KCNK10: variants seen among roughly 807,000 people sequenced by gnomAD.
KCNK10 encodes potassium two pore domain channel subfamily K member 10, also known as potassium channel subfamily K member 10.
In KCNK10, 25 loss-of-function variants were observed where a neutral mutation model predicts 47.7. The observed-to-expected ratio is 0.52, with a 90% CI of 0.38 to 0.73. The LOEUF is 0.73. KCNK10 is among the 30% of genes least tolerant of loss of function. The pLI is 0.00. For missense variants in KCNK10, 563 were observed against 714.5 expected (o/e 0.79, Z 2.42); for synonymous variants, 303 against 285.6 (o/e 1.06, Z -0.61).
Position 88,260,489 on chromosome 14 carries a change from T to C in KCNK10, c.402+2713A>G, listed in dbSNP as rs1887080298. On this transcript the variant is annotated intron_variant, in intron 2 of 6. Coordinates refer to ENST00000319231, the MANE Select transcript of KCNK10 (RefSeq NM_138317.3). The surrounding 1 kb of genome is among the most constrained non-coding windows in gnomAD (Gnocchi z 4.5). ...GAATGGACTAATACAGCATTCAACATAAAGCACAAGTTTAAAAGAGACTGG... is the reference window on the plus strand; with the variant it reads ...GAATGGACTAATACAGCATTCAACACAAAGCACAAGTTTAAAAGAGACTGG... Among the ~76,000 whole-genome samples, 1 of 152,298 alleles carries C rather than the reference T, an allele frequency of 6.6e-6. No individual in the cohort carries two copies. Among genetic ancestry groups the C allele is most frequent in the South Asian group, 2.1e-4 (1 of 4,828 alleles).
At chr14:88,275,595 T>A (rs1471431402) in intron 1 of KCNK10, among the ~76,000 whole-genome samples, 1 of 147,256 alleles carries the variant, frequency 6.8e-6, no homozygotes, top group East Asian at 2.0e-4. Flanking sequence ...ATGCTTGTCA[T>A]CCCAGCACTT....
At chr14:88,295,798 C>T (rs1162298046) in intron 1 of KCNK10, among the ~76,000 whole-genome samples, 1 of 152,188 alleles carries the variant, frequency 6.6e-6, no homozygotes, top group Non-Finnish European at 1.5e-5. Context: ...TGTTCATTAG[C>T]TCCCAACTAT....
intron 1 of KCNK10, among the ~76,000 whole-genome samples, chr14:88,276,961 T>C (rs544352282): frequency 6.6e-6 from 1 of 152,378 alleles, no homozygotes; most frequent in South Asian, 2.1e-4. Context: ...AAAAGGATTT[T>C]CCATCGAAAG....
At chr14:88,254,720 C>T (rs112968007) in intron 2 of KCNK10, among the ~76,000 whole-genome samples, 2,359 of 152,222 alleles carry the variant, frequency 0.015, 57 homozygotes, top group African/African-American at 0.054. Flanking sequence ...CATGTGAGGA[C>T]GTCAAAGATA....
upstream of KCNK10, chr14:88,323,756 G>T (rs1262722812): frequency 1.3e-5 from 2 of 152,212 alleles, no homozygotes; most frequent in Non-Finnish European, 2.9e-5. Context: ...GGCGGAGGAA[G>T]GGCCGCTGCG....
intron 1 of KCNK10, among the ~76,000 whole-genome samples, chr14:88,289,915 G>A (rs560605542): frequency 6.6e-6 from 1 of 152,294 alleles, no homozygotes; most frequent in South Asian, 2.1e-4. Flanking sequence ...CATCGTGCTT[G>A]TGTATCTATT....
chr14:88,268,780 G>A (rs1887335898), intron 1 of KCNK10, among the ~76,000 whole-genome samples: 1 of 152,220 alleles, frequency 6.6e-6, no homozygotes, highest in Admixed American at 6.5e-5. Context: ...GTACTGGGCA[G>A]CAAAAGTGCT....
At chr14:88,317,265 G>A (rs571623161) in intron 1 of KCNK10, among the ~76,000 whole-genome samples, 1 of 152,306 alleles carries the variant, frequency 6.6e-6, no homozygotes, top group East Asian at 1.9e-4. Context: ...CTCCGCAAAT[G>A]TGTGTTTGGA....
chr14:88,295,417 T>G (rs1245709901), intron 1 of KCNK10, among the ~76,000 whole-genome samples: 7 of 152,218 alleles, frequency 4.6e-5, no homozygotes, highest in Non-Finnish European at 1.5e-5. Flanking sequence ...CCCAGCATTT[T>G]GGGAGGCCGA....
rs569626336 is a variant in KCNK10 at position 88,255,757 on chromosome 14, G to T, written c.402+7445C>A. ...CCTACCCCCAGAAACGTTCTGAGGA[G>T]GCTGAGGCAGGAGGATTGCTTGAGC... is the stretch of plus-strand genomic sequence containing the variant. On this transcript the variant is annotated intron_variant, in intron 2 of 6. Transcript: ENST00000319231. Among the ~76,000 whole-genome samples the T allele has an allele frequency of 4.0e-3, 612 of 152,194 alleles. 3 individuals are homozygous for T. The highest frequency in any genetic ancestry group is 7.3e-3 in the Non-Finnish European group (495 of 68,016).
intron 1 of KCNK10, among the ~76,000 whole-genome samples, chr14:88,305,587 A>G (rs540346216): frequency 9.4e-4 from 143 of 152,108 alleles, no homozygotes; most frequent in African/African-American, 3.3e-3. Flanking sequence ...GCATCCCCTC[A>G]CTCCCACCAT....
At chr14:88,299,459 CT>C (rs1448954234) in intron 1 of KCNK10, among the ~76,000 whole-genome samples, 1 of 152,194 alleles carries the variant, frequency 6.6e-6, no homozygotes, top group Non-Finnish European at 1.5e-5. Context: ...ATCACAAGGG[CT>C]TGCACACAGT....
At chr14:88,235,011 A>C in intron 3 of KCNK10, 1 of 439,322 alleles carries the variant, frequency 2.3e-6, no homozygotes, top group Non-Finnish European at 4.6e-6. Context: ...GAACTTCAAA[A>C]GAGATGTCCC....
intron 2 of KCNK10, among the ~76,000 whole-genome samples, chr14:88,246,641 A>G (rs556382504): frequency 1.3e-5 from 2 of 152,346 alleles, no homozygotes; most frequent in East Asian, 3.9e-4. Flanking sequence ...TTCTGGGGCC[A>G]CACCCAGTGA....
intron 1 of KCNK10, among the ~76,000 whole-genome samples, chr14:88,277,252 G>C (rs942018689): frequency 6.6e-6 from 1 of 151,584 alleles, no homozygotes; most frequent in Admixed American, 6.6e-5. Context: ...CCTTCACTGT[G>C]CCTACTAAGT....
intron 5 of KCNK10, among the ~76,000 whole-genome samples, chr14:88,190,262 A>C (rs1884702937): frequency 6.6e-6 from 1 of 152,208 alleles, no homozygotes. Flanking sequence ...AGTCCTCAGG[A>C]CAGCCCAGTG....
chr14:88,326,796 GA>G, upstream of KCNK10: 1 of 294,346 alleles, frequency 3.4e-6, no homozygotes, highest in Non-Finnish European at 6.3e-6. Flanking sequence ...GGGAAAGCCC[GA>G]AAACCCCAGT....
At chr14:88,273,612 G>A (rs556682933) in intron 1 of KCNK10, among the ~76,000 whole-genome samples, 23 of 152,240 alleles carry the variant, frequency 1.5e-4, no homozygotes, top group African/African-American at 5.1e-4. Context: ...AGGCATATCC[G>A]ACTGGACCAC....
intron 1 of KCNK10, among the ~76,000 whole-genome samples, chr14:88,293,276 C>T (rs11848748): frequency 0.015 from 2,239 of 152,258 alleles, 64 homozygotes; most frequent in African/African-American, 0.052. Flanking sequence ...TCCAGCTCTA[C>T]CCTCTAAATT....
Sources: gnomAD v4.1 joint callset for allele counts (sites outside exome capture counted in the v4.1 genomes callset) on GRCh38, gnomAD v4.1.1 for gene constraint, Gnocchi (gnomAD v3.1) non-coding constraint, MANE v1.5 for transcripts, NCBI Gene and HGNC (gene_info 2026-07-23, HGNC 2026-07-21) for gene names.